Variants in RIOX2 observed in about 807,000 individuals in gnomAD.
RIOX2 encodes the protein 60S ribosomal protein L27a histidine hydroxylase.
A neutral mutation model predicts 51.2 loss-of-function variants in RIOX2; 43 were observed. The ratio of observed to expected loss-of-function variants is 0.84; its 90% CI spans 0.66 to 1.08. RIOX2 has a LOEUF of 1.08. RIOX2 is among the 50% of genes least tolerant of loss of function. The pLI is 0.00. For synonymous variants in RIOX2, 226 were observed against 218.5 expected (o/e 1.03, Z -0.30); for missense variants, 566 against 561.7 (o/e 1.01, Z -0.08).
At chr3:97,961,788 T>G (rs1705685660) in intron 2 of RIOX2, 80 bp from the exon 3 acceptor site, 1 of 1,460,818 alleles carries the variant, frequency 6.8e-7, no homozygotes, top group Non-Finnish European at 9.0e-7. Context: ...AGCATGTTCT[T>G]GTTCACTTAG....
chr3:97,948,590 GACCACTTCCGCTTT>G (rs1235821630), intron 7 of RIOX2, among the ~76,000 whole-genome samples: 1 of 152,100 alleles, frequency 6.6e-6, no homozygotes, highest in Non-Finnish European at 1.5e-5. Context: ...GCTAATGAGT[GACCACTTCCGCTTT>G]ACCATTGATA....
At chr3:97,945,394 G>T in intron 9 of RIOX2, 52 bp from the exon 10 acceptor site, 1 of 1,467,170 alleles carries the variant, frequency 6.8e-7, no homozygotes, top group South Asian at 1.3e-5. Flanking sequence ...TTATGTCATT[G>T]AAGTAGCATT....
At chr3:97,968,615 C>T (rs1417250595) in intron 1 of RIOX2, among the ~76,000 whole-genome samples, 2 of 152,180 alleles carry the variant, frequency 1.3e-5, no homozygotes, top group African/African-American at 4.8e-5. Flanking sequence ...TTCAGAACTG[C>T]CTCCAAACCA....
intron 3 of RIOX2, 149 bp downstream of exon 3, chr3:97,961,440 G>A: frequency 2.4e-6 from 2 of 826,884 alleles, no homozygotes; most frequent in Non-Finnish European, 3.4e-6. Context: ...ACATTTTGAT[G>A]AAATCAATAT....
rs1559765815 is a variant in RIOX2, at chr3:97,967,377, G to GT, written c.216dup (p.Leu73ThrfsTer43). 9 of 1,614,042 alleles carry GT rather than the reference G, an allele frequency of 5.6e-6. No individual in the cohort carries two copies. The highest frequency in any genetic ancestry group is 7.6e-6 in the Non-Finnish European group (9 of 1,180,038). On this transcript the variant is annotated frameshift_variant, in exon 2 of 10. Coordinates refer to ENST00000394198, the MANE Select transcript of RIOX2 (RefSeq NM_153182.4). LOFTEE classifies it high-confidence loss of function. ...AACAGGGACCCATAGTATGTGGCCAGTGCAGGGTCATCTCTCTGAATGAGA... is the reference window on the plus strand; with the variant it reads ...AACAGGGACCCATAGTATGTGGCCAGTTGCAGGGTCATCTCTCTGAATGAGA...
intron 2 of RIOX2, among the ~76,000 whole-genome samples, chr3:97,963,913 G>A (rs1344457316): frequency 1.3e-5 from 2 of 152,130 alleles, no homozygotes; most frequent in African/African-American, 4.8e-5. Flanking sequence ...TTATCTTTAA[G>A]ATAAAGATAT....
chr3:97,953,236 A>G (rs938735921), intron 5 of RIOX2, among the ~76,000 whole-genome samples: 5 of 152,124 alleles, frequency 3.3e-5, no homozygotes, highest in Non-Finnish European at 5.9e-5. Flanking sequence ...GCAAACCTAC[A>G]ATAGAATTTA....
At chr3:97,957,881 ATC>A (rs1705511471) in intron 4 of RIOX2, among the ~76,000 whole-genome samples, 1 of 152,176 alleles carries the variant, frequency 6.6e-6, no homozygotes, top group South Asian at 2.1e-4. Flanking sequence ...GGGCCATGTG[ATC>A]TCTGTGGCAA....
intron 7 of RIOX2, among the ~76,000 whole-genome samples, chr3:97,948,708 A>G (rs879448376): frequency 2.6e-5 from 4 of 152,164 alleles, no homozygotes; most frequent in Admixed American, 1.3e-4. Context: ...TCCAATCCAG[A>G]GCAAAGCCCT....
At chr3:97,960,652 C>G (rs1705642283) in intron 3 of RIOX2, among the ~76,000 whole-genome samples, 1 of 152,200 alleles carries the variant, frequency 6.6e-6, no homozygotes, top group Non-Finnish European at 1.5e-5. Flanking sequence ...AAAGTTGCCA[C>G]TACTGGGTTT....
Position 97,947,339 on chromosome 3 carries a change from TCTC to T in RIOX2, c.1149+19_1149+21del, listed in dbSNP as rs2307808. 336,279 of 1,591,090 alleles carry T rather than the reference TCTC, an allele frequency of 0.21. 40,443 individuals carry two copies. Among genetic ancestry groups the T allele is most frequent in the African/African-American group, 0.5 (37,312 of 74,146 alleles). ...AAAAACACCCTGAGAAGACAGGAAA[TCTC>T]CTCCTCTTGGATACTCACAGATTGA... On this transcript the variant is annotated intron_variant, in intron 8 of 9. Coordinates refer to ENST00000394198, the MANE Select transcript of RIOX2 (RefSeq NM_153182.4).
intron 2 of RIOX2, among the ~76,000 whole-genome samples, chr3:97,962,692 C>T (rs1194052272): frequency 1.3e-5 from 2 of 152,168 alleles, no homozygotes; most frequent in African/African-American, 4.8e-5. Flanking sequence ...GATATTAGCA[C>T]TTCCTATGTG....
intron 5 of RIOX2, chr3:97,952,398 C>T (rs755226167): frequency 1.4e-4 from 59 of 418,078 alleles, no homozygotes; most frequent in South Asian, 2.4e-4. Flanking sequence ...CAGGGGCAGC[C>T]GGCCAGTTCC....
rs1559751542 is a variant in RIOX2 at position 97,942,459 on chromosome 3, T to C, written c.*2725A>G. On this transcript the variant is annotated 3_prime_UTR_variant, in exon 10 of 10. Coordinates refer to ENST00000394198, the MANE Select transcript of RIOX2 (RefSeq NM_153182.4). Reference sequence around the variant, plus strand: ...GATGTTAAAGGTGGGCCTTTGATGATACCCAATGTTGTGTCCCTGGATATT... The same window carrying C: ...GATGTTAAAGGTGGGCCTTTGATGACACCCAATGTTGTGTCCCTGGATATT... The C allele has an allele frequency of 6.3e-7, 1 of 1,598,920 alleles. No homozygotes were observed.
At chr3:97,971,435 C>T (rs1449678478) in intron 1 of RIOX2, among the ~76,000 whole-genome samples, 2 of 152,170 alleles carry the variant, frequency 1.3e-5, no homozygotes, top group African/African-American at 4.8e-5. Flanking sequence ...TTATATATTG[C>T]TTGTAACAAG....
intron 5 of RIOX2, among the ~76,000 whole-genome samples, chr3:97,953,646 G>A (rs1705331678): frequency 6.6e-6 from 1 of 152,134 alleles, no homozygotes; most frequent in South Asian, 2.1e-4. Flanking sequence ...GCCTCCCAAA[G>A]TGCTGGGATT....
At chr3:97,964,456 C>T (rs1488591714) in intron 2 of RIOX2, among the ~76,000 whole-genome samples, 7 of 151,430 alleles carry the variant, frequency 4.6e-5, no homozygotes, top group African/African-American at 1.5e-4. Context: ...TTTGGGAGGC[C>T]GAGGCAGGTG....
chr3:97,968,114 C>G (rs146739321), intron 1 of RIOX2, among the ~76,000 whole-genome samples: 1 of 152,282 alleles, frequency 6.6e-6, no homozygotes, highest in East Asian at 1.9e-4. Context: ...AGGTGCTCCT[C>G]ACCGCAGCAC....
chr3:97,942,542 A>G lies in RIOX2; in HGVS notation c.*2642T>C. ...AAGGACATCCTTATGTATAAGAGAAATGTTAAGTCATTTAAAATTATGCTT... is the reference window on the plus strand; with the variant it reads ...AAGGACATCCTTATGTATAAGAGAAGTGTTAAGTCATTTAAAATTATGCTT... On this transcript the variant is annotated 3_prime_UTR_variant, in exon 10 of 10. Coordinates refer to ENST00000394198, the MANE Select transcript of RIOX2 (RefSeq NM_153182.4). The G allele has an allele frequency of 9.3e-7, 1 of 1,075,020 alleles. No individual in the cohort carries two copies. Among genetic ancestry groups the G allele is most frequent in the South Asian group, 2.2e-5 (1 of 44,558 alleles). The allele number at this position is 1,075,020 out of a possible 1,614,324, so 66.6% of individuals were successfully genotyped here.
Sources: allele counts gnomAD v4.1 joint callset (sites outside exome capture counted in the v4.1 genomes callset), GRCh38; gene constraint gnomAD v4.1.1; transcripts MANE v1.5; gene names NCBI Gene and HGNC (gene_info 2026-07-23, HGNC 2026-07-21).